Variants in GPRIN3 observed in about 807,000 individuals in gnomAD.
The protein encoded by GPRIN3 is GPRIN family member 3.
A neutral mutation model predicts 13.7 loss-of-function variants in GPRIN3; 12 were observed. The observed-to-expected ratio is 0.87, with a 90% confidence interval of 0.56 to 1.42. The LOEUF is 1.42. Among genes scored for constraint, GPRIN3 ranks in the 40% most tolerant of loss-of-function variants. The probability of loss-of-function intolerance (pLI) is 0.00; values close to 1 mark genes in which losing one functional copy is unlikely to be tolerated. For missense variants in GPRIN3, 1,009 were observed against 958.7 expected (o/e 1.05, Z -0.69); for synonymous variants, 377 against 372.7 (o/e 1.01, Z -0.13).
At position 89,249,607 on chromosome 4, in the gene GPRIN3, C is replaced by T; in HGVS notation, c.504G>A (p.Glu168=). 4 of 1,614,152 alleles carry T rather than the reference C, an allele frequency of 2.5e-6. No individual in the cohort carries two copies. Among genetic ancestry groups the T allele is most frequent in the South Asian group, 2.2e-5 (2 of 91,082 alleles). Residue 168 remains glutamate (E), a synonymous_variant, in exon 2 of 2, where the codon GAG becomes GAA. Transcript: ENST00000609438. The stretch of plus-strand genomic sequence containing the variant: ...CGCCTCCCACAGGACAACTTGGTTT[C>T]TCAGGTTGCTCTCTATTTGAGGTTC... ...SQRTSNREQP[E]KPSCPVGGVL...
In GPRIN3 at chr4:89,248,442, A is replaced by G. The variant is rs1295718909; in HGVS notation, c.1669T>C (p.Ser557Pro). 6.2e-7 allele frequency: 1 copy of G among 1,613,950 alleles called. No individual in the cohort carries two copies. Among genetic ancestry groups the G allele is most frequent in the Non-Finnish European group, 8.5e-7 (1 of 1,179,988 alleles). Residue 557 changes from serine to proline, a missense_variant, in exon 2 of 2, where the codon TCG becomes CCG. Coordinates refer to ENST00000609438, the MANE Select transcript of GPRIN3 (RefSeq NM_198281.3). ...KEKESTGTDT[S>P]DAKTLLLNPK... Reference sequence around the variant, plus strand: ...TTGAGCAGTAGGGTTTTGGCATCCGAGGTATCAGTGCCAGTAGACTCTTTT... The same window carrying G: ...TTGAGCAGTAGGGTTTTGGCATCCGGGGTATCAGTGCCAGTAGACTCTTTT...
intron 1 of GPRIN3, among the ~76,000 whole-genome samples, chr4:89,252,332 T>G (rs964297135): frequency 1.3e-5 from 2 of 152,176 alleles, no homozygotes; most frequent in Admixed American, 1.3e-4. Flanking sequence ...AAGCAATGGA[T>G]CAGAAATTAG....
At chr4:89,295,088 G>C (rs1191080677) in intron 1 of GPRIN3, among the ~76,000 whole-genome samples, 1 of 152,130 alleles carries the variant, frequency 6.6e-6, no homozygotes, top group East Asian at 1.9e-4. Context: ...ACAGACCAAA[G>C]ATGTATTAAC....
At chr4:89,272,070 C>T (rs1329350081) in intron 1 of GPRIN3, among the ~76,000 whole-genome samples, 7 of 152,016 alleles carry the variant, frequency 4.6e-5, no homozygotes, top group East Asian at 1.9e-4. Flanking sequence ...CACTGACTGC[C>T]GGAACCTTGA....
intron 1 of GPRIN3, among the ~76,000 whole-genome samples, chr4:89,288,787 C>T (rs1724493791): frequency 6.6e-6 from 1 of 152,050 alleles, no homozygotes; most frequent in African/African-American, 2.4e-5. Flanking sequence ...ATCTGGGTAA[C>T]GTTAAAAATG....
At chr4:89,272,749 ACTAC>A (rs1390112057) in intron 1 of GPRIN3, among the ~76,000 whole-genome samples, 4 of 152,248 alleles carry the variant, frequency 2.6e-5, no homozygotes, top group South Asian at 2.1e-4. Flanking sequence ...TTCATATTCA[ACTAC>A]CTACCTATTT....
In GPRIN3 at chr4:89,239,254, CTTAGT is replaced by C; in HGVS notation, c.*8521_*8525del. On this transcript the variant is annotated 3_prime_UTR_variant, in exon 2 of 2. Transcript: ENST00000609438. ...ATATTATACCACACTTTTGATCTTT[CTTAGT>C]TGAGTATTTACACACATAAATGATT... The C allele has an allele frequency of 6.6e-6, 1 of 151,952 alleles. No individual in the cohort carries two copies. Among genetic ancestry groups the C allele is most frequent in the South Asian group, 2.1e-4 (1 of 4,802 alleles). The allele number at this position is 151,952 out of a possible 1,614,324, so 9.4% of individuals were successfully genotyped here.
intron 1 of GPRIN3, among the ~76,000 whole-genome samples, chr4:89,289,881 T>C (rs1724525961): frequency 6.6e-6 from 1 of 152,122 alleles, no homozygotes; most frequent in Non-Finnish European, 1.5e-5. Context: ...CAGTAACTTC[T>C]TAGACTGAAA....
chr4:89,259,594 C>T (rs1323714972), intron 1 of GPRIN3, among the ~76,000 whole-genome samples: 8 of 152,204 alleles, frequency 5.3e-5, no homozygotes, highest in African/African-American at 1.4e-4. Context: ...ATATATTTAG[C>T]ACCAGTAAAG....
rs564192952 is a variant in GPRIN3, at chr4:89,269,310, C to T, written c.-123-19077G>A. Among the ~76,000 whole-genome samples the T allele has an allele frequency of 3.3e-5, 5 of 152,160 alleles. No homozygotes were observed. The East Asian group carries it at 9.7e-4, about 29-fold the overall frequency. On this transcript the variant is annotated intron_variant, in intron 1 of 1. Transcript: ENST00000609438. Reference sequence around the variant, plus strand: ...ATAATGAATTTCTTCAGCAGGCTAGCCTGCTGAATGTGGGAAGCAATTATT... The same window carrying T: ...ATAATGAATTTCTTCAGCAGGCTAGTCTGCTGAATGTGGGAAGCAATTATT...
chr4:89,305,789 A>C (rs1298803561), intron 1 of GPRIN3, among the ~76,000 whole-genome samples: 1 of 152,182 alleles, frequency 6.6e-6, no homozygotes. Context: ...AGGCAATTAA[A>C]ACACTCAAAT....
intron 1 of GPRIN3, among the ~76,000 whole-genome samples, chr4:89,288,815 C>T (rs1166601815): frequency 6.6e-6 from 1 of 152,126 alleles, no homozygotes; most frequent in Non-Finnish European, 1.5e-5. Context: ...ATTTCAATAA[C>T]AGTACGAATA....
chr4:89,283,666 C>T (rs901506558), intron 1 of GPRIN3, among the ~76,000 whole-genome samples: 1 of 152,154 alleles, frequency 6.6e-6, no homozygotes, highest in East Asian at 1.9e-4. Flanking sequence ...AGAGAAGGCC[C>T]ACCCAAGGCC....
chr4:89,276,329 T>C (rs1472721497), intron 1 of GPRIN3, among the ~76,000 whole-genome samples: 1 of 152,210 alleles, frequency 6.6e-6, no homozygotes, highest in Non-Finnish European at 1.5e-5. Context: ...AAGATTATTA[T>C]AGTTCTTGTT....
chr4:89,257,861 T>C (rs1293744751), intron 1 of GPRIN3, among the ~76,000 whole-genome samples: 2 of 151,926 alleles, frequency 1.3e-5, no homozygotes, highest in Non-Finnish European at 2.9e-5. Flanking sequence ...AATACAGAAA[T>C]CCGATACAGA....
At chr4:89,303,465 AG>A (rs1724953909) in intron 1 of GPRIN3, among the ~76,000 whole-genome samples, 2 of 152,254 alleles carry the variant, frequency 1.3e-5, no homozygotes, top group African/African-American at 4.8e-5. Flanking sequence ...AAAAGATGGC[AG>A]GAAATGGCAG....
intron 1 of GPRIN3, among the ~76,000 whole-genome samples, chr4:89,277,330 C>T (rs1561212349): frequency 1.3e-5 from 2 of 152,168 alleles, no homozygotes; most frequent in Non-Finnish European, 2.9e-5. Context: ...AGTGGAATGT[C>T]CGTCCCCAAG....
At chr4:89,255,971 G>A (rs1723453918) in intron 1 of GPRIN3, among the ~76,000 whole-genome samples, 2 of 152,130 alleles carry the variant, frequency 1.3e-5, no homozygotes. Flanking sequence ...CCTTAAAATC[G>A]TGAGCAGAGA....
At chr4:89,297,368 A>G (rs1724766573) in intron 1 of GPRIN3, among the ~76,000 whole-genome samples, 1 of 152,150 alleles carries the variant, frequency 6.6e-6, no homozygotes, top group Non-Finnish European at 1.5e-5. Flanking sequence ...CAAGATGGCA[A>G]AGTGCCTCAA....
Sources: allele counts gnomAD v4.1 joint callset (sites outside exome capture counted in the v4.1 genomes callset), GRCh38; gene constraint gnomAD v4.1.1; transcripts MANE v1.5; gene names NCBI Gene and HGNC (gene_info 2026-07-23, HGNC 2026-07-21).